ELMO1: variants seen among roughly 807,000 people sequenced by gnomAD.
The protein encoded by ELMO1 is engulfment and cell motility protein 1.
In ELMO1, 26 loss-of-function variants were observed where a neutral mutation model predicts 98.9. The ratio of observed to expected loss-of-function variants is 0.26; its 90% CI spans 0.19 to 0.36. The LOEUF (loss-of-function observed/expected upper bound fraction) is 0.36, where lower values mean the gene tolerates loss of function less well. Among genes scored for constraint, ELMO1 ranks in the 10% least tolerant of loss-of-function variants. The pLI is 1.00. For missense variants in ELMO1, 627 were observed against 935.2 expected (o/e 0.67, Z 4.30); for synonymous variants, 346 against 346.0 (o/e 1.00, Z 0.00).
chr7:37,130,628 G>T (rs903118227), intron 14 of ELMO1, among the ~76,000 whole-genome samples: 5 of 151,736 alleles, frequency 3.3e-5, no homozygotes, highest in Non-Finnish European at 5.9e-5. Flanking sequence ...GCTGAAAAGT[G>T]AGTGGCAGGC....
chr7:37,343,032 G>A (rs1800802992), intron 1 of ELMO1: 2 of 261,886 alleles, frequency 7.6e-6, no homozygotes, highest in Non-Finnish European at 1.5e-5. Context: ...ATCTTCAGTG[G>A]AAAGAAAGCT....
Position 37,013,258 on chromosome 7 carries a change from C to T in ELMO1, c.1437+41G>A, listed in dbSNP as rs774508426. ...GGGACCATGCAGCAGGCCCCTTTAG[C>T]GCTGCGGGAATCCCCTGCCTCTATC... On this transcript the variant is annotated intron_variant, in intron 16 of 21. Coordinates refer to ENST00000310758, the MANE Select transcript of ELMO1 (RefSeq NM_014800.11). The T allele has an allele frequency of 7.5e-6, 12 of 1,610,114 alleles. No individual in the cohort carries two copies. The Admixed American group carries it at 8.4e-5, about 11-fold the overall frequency.
chr7:37,405,814 T>C, intron 1 of ELMO1, among the ~76,000 whole-genome samples: 1 of 152,272 alleles, frequency 6.6e-6, no homozygotes, highest in East Asian at 1.9e-4. Flanking sequence ...CAGAGGACAG[T>C]GCATATGCTG....
chr7:37,155,911 C>T (rs1165933253), intron 13 of ELMO1, among the ~76,000 whole-genome samples: 1 of 152,046 alleles, frequency 6.6e-6, no homozygotes, highest in Non-Finnish European at 1.5e-5. Context: ...CACAATTGAC[C>T]ACATAATTGG....
chr7:37,361,680 CG>C (rs1562643124), intron 1 of ELMO1, among the ~76,000 whole-genome samples: 1 of 152,190 alleles, frequency 6.6e-6, no homozygotes, highest in African/African-American at 2.4e-5. Flanking sequence ...GCATGTCATC[CG>C]GGCACAGTGG....
Position 36,861,741 on chromosome 7 carries a change from A to G in ELMO1, c.1906-5T>C. 1.2e-5 allele frequency: 19 copies of G among 1,613,392 alleles called. No individual in the cohort carries two copies. The highest frequency in any genetic ancestry group is 1.5e-5 in the Non-Finnish European group (18 of 1,179,758). On this transcript the variant is annotated splice_polypyrimidine_tract_variant and splice_region_variant and intron_variant, in intron 20 of 21. Coordinates refer to ENST00000310758, the MANE Select transcript of ELMO1 (RefSeq NM_014800.11). ...GAAAGCGAGTTCAAGCACCTCCTAC[A>G]AGAGATGAGAGAAAACAGCACCTTA...
At chr7:37,298,283 TTTTG>T (rs551753925) in intron 4 of ELMO1, among the ~76,000 whole-genome samples, 4,982 of 61,570 alleles carry the variant, frequency 0.081, 272 homozygotes, top group African/African-American at 0.19. Flanking sequence ...AGGAAGTTTT[TTTTG>T]TTTTTTTTTT....
At chr7:37,120,725 C>T (rs1785955191) in intron 14 of ELMO1, among the ~76,000 whole-genome samples, 1 of 152,188 alleles carries the variant, frequency 6.6e-6, no homozygotes, top group Non-Finnish European at 1.5e-5. Context: ...CAAAAGGCAG[C>T]AGAAATCTCC....
rs566983567 is a variant in ELMO1 at position 37,163,673 on chromosome 7, C to G, written c.1087-30439G>C. On this transcript the variant is annotated intron_variant, in intron 13 of 21. Coordinates refer to ENST00000310758, the MANE Select transcript of ELMO1 (RefSeq NM_014800.11). ...CATGTCCCTACAAAGGACATGAACT[C>G]ATTTTATGGCTGCATAGTATTCCAT... is the stretch of plus-strand genomic sequence containing the variant. Among the ~76,000 whole-genome samples the G allele has an allele frequency of 4.6e-5, 7 of 150,710 alleles. No individual in the cohort carries two copies. In the South Asian group the frequency reaches 1.2e-3, roughly 27 times the overall value.
chr7:36,934,547 C>T (rs967750194), intron 16 of ELMO1, among the ~76,000 whole-genome samples: 1 of 152,144 alleles, frequency 6.6e-6, no homozygotes, highest in Non-Finnish European at 1.5e-5. Context: ...AAGTTAATAA[C>T]ATTGGGACTG....
chr7:36,867,254 A>G (rs1803105227), intron 20 of ELMO1, among the ~76,000 whole-genome samples: 1 of 152,160 alleles, frequency 6.6e-6, no homozygotes, highest in South Asian at 2.1e-4. Context: ...TGTCATGACA[A>G]TATGTGAAAA....
intron 4 of ELMO1, among the ~76,000 whole-genome samples, chr7:37,281,631 G>A (rs1371838604): frequency 6.6e-6 from 1 of 152,168 alleles, no homozygotes; most frequent in Admixed American, 6.5e-5. Flanking sequence ...TCGTGAATCA[G>A]GGGCCTGGTT....
intron 1 of ELMO1, among the ~76,000 whole-genome samples, chr7:37,447,932 C>T (rs1805710363): frequency 6.6e-6 from 1 of 151,832 alleles, no homozygotes; most frequent in African/African-American, 2.4e-5. Context: ...TCTGAAGGCG[C>T]GCCCGGTGCG....
intron 2 of ELMO1, among the ~76,000 whole-genome samples, chr7:37,321,929 C>G (rs965721477): frequency 2.7e-5 from 4 of 148,076 alleles, no homozygotes; most frequent in African/African-American, 1.0e-4. Flanking sequence ...ATGATCTCAG[C>G]TCACTGCAAC....
chr7:37,334,041 G>T (rs552677627), intron 2 of ELMO1, among the ~76,000 whole-genome samples: 1 of 152,168 alleles, frequency 6.6e-6, no homozygotes, highest in Non-Finnish European at 1.5e-5. Flanking sequence ...GTTTTCAAAT[G>T]TAGGTCCAAC....
intron 15 of ELMO1, among the ~76,000 whole-genome samples, chr7:37,093,529 A>G (rs1784227610): frequency 6.6e-6 from 1 of 152,244 alleles, no homozygotes; most frequent in African/African-American, 2.4e-5. Context: ...AAATAATCAC[A>G]TACAAACCAA....
At chr7:37,259,134 C>A in intron 6 of ELMO1, 47 bp downstream of exon 6, 1 of 1,558,070 alleles carries the variant, frequency 6.4e-7, no homozygotes, top group Non-Finnish European at 8.7e-7. Flanking sequence ...ATTCAAAACG[C>A]GGAGACACGC....
chr7:37,149,666 A>C (rs1788230280), intron 13 of ELMO1, among the ~76,000 whole-genome samples: 1 of 152,144 alleles, frequency 6.6e-6, no homozygotes, highest in African/African-American at 2.4e-5. Flanking sequence ...TGGCTCACAA[A>C]ACTTAAAAAT....
intron 2 of ELMO1, among the ~76,000 whole-genome samples, chr7:37,322,381 C>T (rs1799565452): frequency 6.6e-6 from 1 of 151,910 alleles, no homozygotes; most frequent in African/African-American, 2.4e-5. Context: ...ATTGGGAGGC[C>T]AAGGCAGATG....
Sources: gnomAD v4.1 joint callset for allele counts (sites outside exome capture counted in the v4.1 genomes callset) on GRCh38, gnomAD v4.1.1 for gene constraint, MANE v1.5 for transcripts, NCBI Gene and HGNC (gene_info 2026-07-23, HGNC 2026-07-21) for gene names.